Variants in LNPEP observed in about 807,000 individuals in gnomAD.
The protein encoded by LNPEP is leucyl and cystinyl aminopeptidase.
In LNPEP, 64 loss-of-function variants were observed where a neutral mutation model predicts 120.6. The observed-to-expected ratio is 0.53, with a 90% CI of 0.43 to 0.65. The LOEUF (loss-of-function observed/expected upper bound fraction) is 0.65. Among genes scored for constraint, LNPEP ranks in the 30% least tolerant of loss-of-function variants. The pLI is 0.00. For synonymous variants in LNPEP, 435 were observed against 425.4 expected, an observed-to-expected ratio of 1.02 and a Z score of -0.28; for missense variants, 1,057 against 1,200.0, an observed-to-expected ratio of 0.88 and a Z score of 1.76.
At position 96,979,413 on chromosome 5, in the gene LNPEP, C is replaced by T; in HGVS notation, c.295C>T (p.Pro99Ser). 1.2e-6 allele frequency: 2 copies of T among 1,614,028 alleles called. No homozygotes were observed. Among genetic ancestry groups the T allele is most frequent in the Non-Finnish European group, 1.7e-6 (2 of 1,179,968 alleles). Residue 99 changes from proline (P) to serine (S), a missense_variant, in exon 2 of 18, where the codon CCA becomes TCA. Pro to Ser is a moderately conservative substitution (Grantham distance 74). Transcript: ENST00000231368. ...CAGTGCAACTGGTTACAGGCAGAGC[C>T]CAGATGGGGCTTGTTCAGTACCCTC... The part of the protein sequence containing the change: ...RNSATGYRQS[P>S]DGACSVPSAR...
intron 4 of LNPEP, 67 bp downstream of exon 4, chr5:96,986,737 C>A: frequency 7.1e-7 from 1 of 1,408,244 alleles, no homozygotes; most frequent in Non-Finnish European, 9.9e-7. Flanking sequence ...CTTGCTTTAA[C>A]GATTCCTGGT....
chr5:96,960,751 G>A (rs1335946338), intron 1 of LNPEP, among the ~76,000 whole-genome samples: 1 of 152,082 alleles, frequency 6.6e-6, no homozygotes, highest in Non-Finnish European at 1.5e-5. Context: ...AAATTATACA[G>A]TCTCTCATCT....
chr5:96,999,301 C>T (rs1284221072), intron 8 of LNPEP, among the ~76,000 whole-genome samples: 1 of 151,962 alleles, frequency 6.6e-6, no homozygotes, highest in Non-Finnish European at 1.5e-5. Context: ...ATGAGGAGTG[C>T]TAGTAAGGGT....
intron 13 of LNPEP, among the ~76,000 whole-genome samples, chr5:97,021,923 G>GTTTTTTTTT (rs1165456605): frequency 3.7e-4 from 21 of 57,194 alleles, no homozygotes; most frequent in African/African-American, 6.9e-4. Context: ...TTTGTCTTTT[G>GTTTTTTTTT]TTTTTTTTTT....
chr5:96,998,299 G>C (rs1790565111), intron 8 of LNPEP, among the ~76,000 whole-genome samples, 154 bp downstream of exon 8: 1 of 152,094 alleles, frequency 6.6e-6, no homozygotes, highest in Admixed American at 6.6e-5. Context: ...TATAAATCTT[G>C]GTCATAACTT....
At chr5:96,978,906 T>C (rs145105643) in intron 1 of LNPEP, among the ~76,000 whole-genome samples, 26 of 152,324 alleles carry the variant, frequency 1.7e-4, no homozygotes, top group Non-Finnish European at 3.7e-4. Flanking sequence ...CCTGTTTATT[T>C]AGCTTTCTTG....
rs1441536333 is a variant in LNPEP, at chr5:97,035,417, G to A, written c.*6884G>A. 6.6e-6 allele frequency: 1 copy of A among 152,048 alleles called. No homozygotes were observed. The highest frequency in any genetic ancestry group is 1.9e-4 in the East Asian group (1 of 5,196). The allele number at this position is 152,048 out of a possible 1,614,324, so 9.4% of individuals were successfully genotyped here. ...TGTTTACTTACTTGTCTGTTTTAGA[G>A]AGATTTCTATTTTTGGTAGGGGAAT... On this transcript the variant is annotated 3_prime_UTR_variant, in exon 18 of 18. Transcript: ENST00000231368.
intron 12 of LNPEP, among the ~76,000 whole-genome samples, 157 bp downstream of exon 12, chr5:97,013,988 CTTTATAAAACA>C (rs1791000454): frequency 6.6e-6 from 1 of 152,012 alleles, no homozygotes; most frequent in African/African-American, 2.4e-5. Flanking sequence ...CCTCCAGGGA[CTTTATAAAACA>C]TTAGCTACGA....
At chr5:96,971,175 A>G (rs1054575036) in intron 1 of LNPEP, among the ~76,000 whole-genome samples, 2 of 151,870 alleles carry the variant, frequency 1.3e-5, no homozygotes, top group Non-Finnish European at 1.5e-5. Context: ...TTGTCTTCCA[A>G]CTCTTTAAAA....
rs2112687018 is a variant in LNPEP at position 97,036,028 on chromosome 5, G to C, written c.*7495G>C. 1 of 152,266 alleles carries C rather than the reference G, an allele frequency of 6.6e-6. No individual in the cohort carries two copies. The highest frequency in any genetic ancestry group is 1.9e-4 in the East Asian group (1 of 5,188). The allele number at this position is 152,266 out of a possible 1,614,324, so 9.4% of individuals were successfully genotyped here. ...TAGTAACTGGTAAACCGGCGAAGCTGATAAGCCAATAAGAGTGCTGTCTAG... is the reference window on the plus strand; with the variant it reads ...TAGTAACTGGTAAACCGGCGAAGCTCATAAGCCAATAAGAGTGCTGTCTAG... On this transcript the variant is annotated 3_prime_UTR_variant, in exon 18 of 18. Transcript: ENST00000231368.
At chr5:96,994,765 G>A (rs1443326263) in intron 6 of LNPEP, among the ~76,000 whole-genome samples, 1 of 152,172 alleles carries the variant, frequency 6.6e-6, no homozygotes, top group Non-Finnish European at 1.5e-5. Context: ...TCTAGCCTTT[G>A]TGAAGACTTC....
intron 6 of LNPEP, among the ~76,000 whole-genome samples, chr5:96,995,640 C>T (rs956390936): frequency 2.6e-5 from 4 of 151,876 alleles, no homozygotes; most frequent in East Asian, 1.9e-4. Flanking sequence ...CTGATCCTCC[C>T]GCCTCATCCT....
At chr5:97,003,394 C>G in intron 8 of LNPEP, 21 bp from the exon 9 acceptor site, 1 of 1,321,386 alleles carries the variant, frequency 7.6e-7, no homozygotes, top group South Asian at 1.4e-5. Context: ...CTTTCTTTTT[C>G]CTCACTTTTT....
chr5:96,951,633 C>G (rs200822684), intron 1 of LNPEP, among the ~76,000 whole-genome samples: 17 of 152,124 alleles, frequency 1.1e-4, no homozygotes, highest in African/African-American at 3.9e-4. Flanking sequence ...TCATAGGAGT[C>G]TTCACTTTAG....
chr5:97,009,175 C>G (rs1790865697), intron 11 of LNPEP, among the ~76,000 whole-genome samples: 1 of 152,172 alleles, frequency 6.6e-6, no homozygotes, highest in African/African-American at 2.4e-5. Flanking sequence ...ACCCTTGCCT[C>G]CTCACTCCCT....
In LNPEP at chr5:96,968,943, A is replaced by C. The variant is rs1159536823; in HGVS notation, c.20-10195A>C. Among the ~76,000 whole-genome samples, 3 of 152,186 alleles carry C rather than the reference A, an allele frequency of 2.0e-5. No individual in the cohort carries two copies. In the East Asian group the frequency reaches 5.8e-4, roughly 29 times the overall value. ...CTGAGGACCAATTTAGTTTGTTTATATACAGGGCCACTGGGTCTCTTAGAT... is the reference window on the plus strand; with the variant it reads ...CTGAGGACCAATTTAGTTTGTTTATCTACAGGGCCACTGGGTCTCTTAGAT... On this transcript the variant is annotated intron_variant, in intron 1 of 17. Transcript: ENST00000231368.
intron 1 of LNPEP, among the ~76,000 whole-genome samples, chr5:96,973,035 A>C (rs891118623): frequency 3.3e-5 from 5 of 152,180 alleles, no homozygotes; most frequent in African/African-American, 4.8e-5. Context: ...TTACATGTTC[A>C]TATTTTATGC....
At chr5:96,977,184 G>T (rs190273842) in intron 1 of LNPEP, among the ~76,000 whole-genome samples, 1 of 152,016 alleles carries the variant, frequency 6.6e-6, no homozygotes, top group Non-Finnish European at 1.5e-5. Flanking sequence ...GCAGAAATGG[G>T]TGAAGTGAAA....
At chr5:96,941,446 C>T (rs967243955) in intron 1 of LNPEP, among the ~76,000 whole-genome samples, 57 of 152,100 alleles carry the variant, frequency 3.7e-4, no homozygotes, top group Admixed American at 3.6e-3. Flanking sequence ...ATTGGAGCAA[C>T]CAGAAAGACA....
Sources: gnomAD v4.1 joint callset for allele counts (sites outside exome capture counted in the v4.1 genomes callset) on GRCh38, gnomAD v4.1.1 for gene constraint, MANE v1.5 for transcripts, NCBI Gene and HGNC (gene_info 2026-07-23, HGNC 2026-07-21) for gene names.